The following BCAR3 variants were observed in gnomAD, a reference collection of about 807,000 sequenced individuals.
The protein encoded by BCAR3 is BCAR3 adaptor protein, NSP family member, also known as breast cancer anti-estrogen resistance protein 3.
In BCAR3, 37 loss-of-function variants were observed where a neutral mutation model predicts 80.1. The ratio of observed to expected loss-of-function variants is 0.46; its 90% CI spans 0.36 to 0.61. The LOEUF (loss-of-function observed/expected upper bound fraction) is 0.61. Ranked by LOEUF, BCAR3 falls within the 20% of genes least tolerant of loss-of-function variation. The pLI is 0.00. For missense variants in BCAR3, 978 were observed against 1,068.2 expected, an observed-to-expected ratio of 0.92 and a Z score of 1.18; for synonymous variants, 389 against 418.9, an observed-to-expected ratio of 0.93 and a Z score of 0.87.
At chr1:93,829,486 T>A (rs916714189) in intron 2 of BCAR3, among the ~76,000 whole-genome samples, 31 of 152,246 alleles carry the variant, frequency 2.0e-4, no homozygotes, top group African/African-American at 7.5e-4. Flanking sequence ...TCAGTCTGCT[T>A]TCTGTTAGAG....
At chr1:93,845,544 C>T (rs1467750561) in intron 2 of BCAR3, 1 of 134,604 alleles carries the variant, frequency 7.4e-6, no homozygotes, top group African/African-American at 2.8e-5. Context: ...AGGCCTGGCA[C>T]CAATCAGGGC....
chr1:93,704,392 C>T (rs1230258231), intron 3 of BCAR3, among the ~76,000 whole-genome samples: 1 of 152,150 alleles, frequency 6.6e-6, no homozygotes, highest in Non-Finnish European at 1.5e-5. Flanking sequence ...GCTGTGATGG[C>T]TGTTGGGTGC....
chr1:93,744,527 C>T (rs1159257151), intron 2 of BCAR3, among the ~76,000 whole-genome samples: 3 of 152,184 alleles, frequency 2.0e-5, no homozygotes, highest in Non-Finnish European at 4.4e-5. Context: ...AAGAGGCTGG[C>T]CCTTCTGCAT....
intron 2 of BCAR3, among the ~76,000 whole-genome samples, chr1:93,644,828 G>T (rs1676103973): frequency 6.6e-6 from 1 of 152,184 alleles, no homozygotes; most frequent in South Asian, 2.1e-4. Flanking sequence ...GTCCTCCTGA[G>T]CTCTGGACCT....
At chr1:93,642,458 T>C in intron 2 of BCAR3, 115 bp from the exon 3 acceptor site, 8 of 1,001,128 alleles carry the variant, frequency 8.0e-6, no homozygotes, top group Non-Finnish European at 1.2e-5. Flanking sequence ...CTGGGCCCCA[T>C]CTCCCAGGCA....
chr1:93,651,624 C>A (rs1274544091), intron 2 of BCAR3, among the ~76,000 whole-genome samples: 2 of 152,154 alleles, frequency 1.3e-5, no homozygotes, highest in African/African-American at 4.8e-5. Context: ...CAGATGTGGA[C>A]TACATTAGAC....
At chr1:93,817,662 C>T (rs1471161461) in intron 2 of BCAR3, among the ~76,000 whole-genome samples, 1 of 152,180 alleles carries the variant, frequency 6.6e-6, no homozygotes, top group East Asian at 1.9e-4. Context: ...CCCAATCTTA[C>T]TCCTTTTCTA....
chr1:93,639,543 T>C lies in BCAR3; in HGVS notation c.357+2761A>G, dbSNP rs1049265822. Among the ~76,000 whole-genome samples the C allele has an allele frequency of 3.3e-5, 5 of 150,022 alleles. No homozygotes were observed. In the East Asian group the frequency reaches 9.8e-4, roughly 30 times the overall value. On this transcript the variant is annotated intron_variant, in intron 3 of 11. Transcript: ENST00000260502. ...CCAGGCTGCAGTGCAATCGTGCGACTTCAGCTCACTGCAACCTCCGCCTCC... is the reference window on the plus strand; with the variant it reads ...CCAGGCTGCAGTGCAATCGTGCGACCTCAGCTCACTGCAACCTCCGCCTCC...
chr1:93,730,253 C>T (rs1250177334), intron 2 of BCAR3, among the ~76,000 whole-genome samples: 2 of 152,162 alleles, frequency 1.3e-5, no homozygotes, highest in Non-Finnish European at 2.9e-5. Flanking sequence ...TCCTTCACGT[C>T]CACAGAGAGG....
chr1:93,711,799 C>T (rs1203134216), intron 2 of BCAR3, among the ~76,000 whole-genome samples: 1 of 152,144 alleles, frequency 6.6e-6, no homozygotes, highest in African/African-American at 2.4e-5. Flanking sequence ...TGCCTCACTG[C>T]TAAGGAAGCA....
chr1:93,717,843 G>C (rs181301180), intron 2 of BCAR3, among the ~76,000 whole-genome samples: 1 of 152,088 alleles, frequency 6.6e-6, no homozygotes, highest in Admixed American at 6.5e-5. Context: ...GGAAAATTGC[G>C]TAAGAGTCTG....
At chr1:93,693,023 G>C (rs1477897342) in intron 3 of BCAR3, among the ~76,000 whole-genome samples, 1 of 152,094 alleles carries the variant, frequency 6.6e-6, no homozygotes, top group African/African-American at 2.4e-5. Context: ...GTGTCCTAGC[G>C]CCGTCCTGGG....
At chr1:93,675,925 CAAAAAAAAAAA>C (rs58706715) in intron 1 of BCAR3, among the ~76,000 whole-genome samples, 30 of 51,442 alleles carry the variant, frequency 5.8e-4, no homozygotes, top group South Asian at 3.0e-3. Context: ...AAATAGGAGA[CAAAAAAAAAAA>C]AAAAAAAAAA....
chr1:93,818,550 A>G (rs2100815175), intron 2 of BCAR3, among the ~76,000 whole-genome samples: 1 of 152,324 alleles, frequency 6.6e-6, no homozygotes, highest in Non-Finnish European at 1.5e-5. Context: ...GATCTGAGCA[A>G]GCTACTTAAC....
intron 2 of BCAR3, among the ~76,000 whole-genome samples, chr1:93,645,650 G>GTT (rs1395709035): frequency 6.6e-6 from 1 of 151,226 alleles, no homozygotes. Context: ...GTGTGTGTGT[G>GTT]TGTGTGTATA....
At chr1:93,660,422 C>G (rs192381900) in intron 2 of BCAR3, among the ~76,000 whole-genome samples, 13 of 152,264 alleles carry the variant, frequency 8.5e-5, no homozygotes, top group Admixed American at 5.2e-4. Flanking sequence ...CAGGGAGAAA[C>G]TTAATCAGGG....
intron 3 of BCAR3, among the ~76,000 whole-genome samples, chr1:93,637,156 G>A (rs538583722): frequency 1.8e-4 from 28 of 151,970 alleles, no homozygotes; most frequent in Middle Eastern, 3.4e-3. Flanking sequence ...AGGTATAAAG[G>A]GGAAGGAGAA....
intron 3 of BCAR3, among the ~76,000 whole-genome samples, chr1:93,624,331 C>A (rs969698379): frequency 3.9e-5 from 6 of 152,228 alleles, no homozygotes; most frequent in African/African-American, 1.4e-4. Flanking sequence ...GCGAGGGCAA[C>A]CCTCATGACT....
chr1:93,570,629 G>A (rs923221708), intron 9 of BCAR3, among the ~76,000 whole-genome samples: 4 of 152,176 alleles, frequency 2.6e-5, no homozygotes, highest in African/African-American at 9.7e-5. Flanking sequence ...CCAGGAATCC[G>A]AACTTTTTAA....
Sources: allele counts gnomAD v4.1 joint callset (sites outside exome capture counted in the v4.1 genomes callset), GRCh38; gene constraint gnomAD v4.1.1; transcripts MANE v1.5; gene names NCBI Gene and HGNC (gene_info 2026-07-23, HGNC 2026-07-21).